Variants in COL4A1 observed in about 807,000 individuals in gnomAD.
The protein encoded by COL4A1 is collagen alpha-1(IV) chain.
COL4A1 carries 40 observed loss-of-function variants against 216.6 expected under a neutral mutation model. The ratio of observed to expected loss-of-function variants is 0.18; its 90% CI spans 0.14 to 0.24. The LOEUF (loss-of-function observed/expected upper bound fraction) is 0.24, where lower values mean the gene tolerates loss of function less well. Among genes scored for constraint, COL4A1 ranks in the 10% least tolerant of loss-of-function variants. The pLI is 1.00. For missense variants in COL4A1, 1,628 were observed against 2,196.8 expected (o/e 0.74, Z 5.18); for synonymous variants, 839 against 810.7 (o/e 1.03, Z -0.59).
At chr13:110,242,005 C>T (rs112500807) in intron 2 of COL4A1, among the ~76,000 whole-genome samples, 4 of 152,302 alleles carry the variant, frequency 2.6e-5, no homozygotes, top group African/African-American at 4.8e-5. Context: ...CTGGTTTCCA[C>T]GGTGACCCAC....
intron 2 of COL4A1, among the ~76,000 whole-genome samples, chr13:110,232,138 A>G (rs1432187533): frequency 6.6e-6 from 1 of 152,200 alleles, no homozygotes; most frequent in African/African-American, 2.4e-5. Flanking sequence ...GAATCATTGA[A>G]TTTGGGGCCA....
At position 110,155,280 on chromosome 13, in the gene COL4A1, T is replaced by C. The variant is rs570472326; in HGVS notation, c.4755+3A>G. The C allele has an allele frequency of 1.6e-5, 25 of 1,608,892 alleles. No individual in the cohort carries two copies. In the African/African-American group the frequency reaches 3.1e-4, roughly 20 times the overall value. ...GAAATATGGCGTCTCCCCAGACACT[T>C]ACCATCACAAAAGAGTAGCCGATCC... On this transcript the variant is annotated splice_donor_region_variant and intron_variant, in intron 50 of 51. Coordinates refer to ENST00000375820, the MANE Select transcript of COL4A1 (RefSeq NM_001845.6).
intron 49 of COL4A1, among the ~76,000 whole-genome samples, chr13:110,160,554 C>G (rs1047145480): frequency 2.6e-5 from 4 of 152,116 alleles, no homozygotes; most frequent in African/African-American, 9.7e-5. Context: ...GATTGAGCAA[C>G]ACTGTTCCAA....
Position 110,170,459 on chromosome 13 carries a change from T to A in COL4A1, c.3742+88A>T, listed in dbSNP as rs530266353. On this transcript the variant is annotated intron_variant, in intron 42 of 51. Coordinates refer to ENST00000375820, the MANE Select transcript of COL4A1 (RefSeq NM_001845.6). ...CAGACTTCTAAATAAAAAAGCCCAA[T>A]TGAGAATTTAACTATTTCTTTTACG... 5.8e-5 allele frequency: 81 copies of A among 1,399,580 alleles called. No individual in the cohort carries two copies. The African/African-American group carries it at 8.5e-4, about 15-fold the overall frequency. 86.7% of individuals were successfully genotyped at this position (1,399,580 alleles called of 1,614,324 possible). A position where few individuals can be genotyped will look rare whatever the true frequency, so the allele number is the denominator to read the frequency against.
intron 1 of COL4A1, among the ~76,000 whole-genome samples, chr13:110,280,635 C>T (rs924416508): frequency 6.6e-6 from 1 of 152,238 alleles, no homozygotes; most frequent in Non-Finnish European, 1.5e-5. Flanking sequence ...AATCCCACGC[C>T]TACATCTGCA....
chr13:110,198,287 C>T (rs1476029827), intron 21 of COL4A1, among the ~76,000 whole-genome samples, 180 bp downstream of exon 21: 1 of 152,096 alleles, frequency 6.6e-6, no homozygotes, highest in East Asian at 1.9e-4. Flanking sequence ...TTAACTATTG[C>T]TTTTTGTAGC....
At chr13:110,195,939 T>C (rs1878866857) in intron 21 of COL4A1, among the ~76,000 whole-genome samples, 1 of 152,180 alleles carries the variant, frequency 6.6e-6, no homozygotes, top group Non-Finnish European at 1.5e-5. Flanking sequence ...AGCTGTCACC[T>C]GGACGCCCTG....
intron 8 of COL4A1, among the ~76,000 whole-genome samples, chr13:110,210,777 A>T (rs981561010): frequency 1.7e-4 from 26 of 152,096 alleles, no homozygotes; most frequent in Non-Finnish European, 2.9e-4. Context: ...GGTGGGCCTC[A>T]TCCCATCAGT....
At chr13:110,232,869 T>C (rs752416634) in intron 2 of COL4A1, among the ~76,000 whole-genome samples, 8 of 152,268 alleles carry the variant, frequency 5.3e-5, no homozygotes, top group South Asian at 4.1e-4. Context: ...AGCCATCAAT[T>C]TGTATGATGG....
At chr13:110,270,766 T>C (rs1338292721) in intron 1 of COL4A1, among the ~76,000 whole-genome samples, 1 of 152,228 alleles carries the variant, frequency 6.6e-6, no homozygotes, top group Non-Finnish European at 1.5e-5. Context: ...ATTTACTGCG[T>C]CACCGGAGAA....
intron 1 of COL4A1, among the ~76,000 whole-genome samples, chr13:110,293,109 C>A (rs1884149872): frequency 6.6e-6 from 1 of 152,240 alleles, no homozygotes; most frequent in South Asian, 2.1e-4. Flanking sequence ...TTCAAGGTCA[C>A]CGTGCAGGAA....
rs538982365 is a variant in COL4A1, at chr13:110,240,067, A to C, written c.144+2608T>G. ...TTTTTGTTAAAATGATATAATACTAAACCATTTAGCTATTGTCCTAGGCCT... is the reference window on the plus strand; with the variant it reads ...TTTTTGTTAAAATGATATAATACTACACCATTTAGCTATTGTCCTAGGCCT... On this transcript the variant is annotated intron_variant, in intron 2 of 51. Transcript: ENST00000375820. Among the ~76,000 whole-genome samples, 8 of 152,262 alleles carry C rather than the reference A, an allele frequency of 5.3e-5. No homozygotes were observed. The South Asian group carries it at 1.7e-3, about 32-fold the overall frequency.
At chr13:110,252,055 G>C (rs1332444045) in intron 1 of COL4A1, among the ~76,000 whole-genome samples, 1 of 151,842 alleles carries the variant, frequency 6.6e-6, no homozygotes, top group Admixed American at 6.6e-5. Flanking sequence ...GTAGAGTCTC[G>C]CTCTGTTGCC....
intron 45 of COL4A1, among the ~76,000 whole-genome samples, chr13:110,165,482 G>A (rs1478514395): frequency 6.6e-6 from 1 of 152,042 alleles, no homozygotes; most frequent in Non-Finnish European, 1.5e-5. Flanking sequence ...CATGTGGTAA[G>A]AACCACACAA....
intron 1 of COL4A1, among the ~76,000 whole-genome samples, chr13:110,292,108 C>T (rs751412966): frequency 2.0e-5 from 3 of 152,194 alleles, no homozygotes; most frequent in Non-Finnish European, 4.4e-5. Context: ...TCCTGCCTGC[C>T]GCTGAGAGCC....
intron 2 of COL4A1, among the ~76,000 whole-genome samples, chr13:110,219,868 GTGTATATATGTA>G (rs1347231534): frequency 9.9e-6 from 1 of 101,220 alleles, no homozygotes; most frequent in Non-Finnish European, 2.0e-5. Context: ...ATATATGTGT[GTGTATATATGTA>G]TATATATGTG....
At chr13:110,210,389 T>C (rs1479083620) in intron 8 of COL4A1, among the ~76,000 whole-genome samples, 177 bp from the exon 9 acceptor site, 1 of 152,008 alleles carries the variant, frequency 6.6e-6, no homozygotes, top group Admixed American at 6.6e-5. Context: ...ATGATTGCCG[T>C]CTTAATGGCC....
rs937318874 is a variant in COL4A1 at position 110,265,069 on chromosome 13, C to T, written c.85-22335G>A. ...TGGGCGCCGTCCCACCATCATCGATCGGCCTTGACTGCTAGAGACCTTCTC... is the reference window on the plus strand; with the variant it reads ...TGGGCGCCGTCCCACCATCATCGATTGGCCTTGACTGCTAGAGACCTTCTC... On this transcript the variant is annotated intron_variant, in intron 1 of 51. Coordinates refer to ENST00000375820, the MANE Select transcript of COL4A1 (RefSeq NM_001845.6). Among the ~76,000 whole-genome samples the T allele has an allele frequency of 9.8e-5, 15 of 152,360 alleles. No homozygotes were observed. In the South Asian group the frequency reaches 2.1e-3, roughly 21 times the overall value.
chr13:110,183,354 G>T, intron 26 of COL4A1, 78 bp from the exon 27 acceptor site: 1 of 1,370,600 alleles, frequency 7.3e-7, no homozygotes, highest in Non-Finnish European at 1.0e-6. Context: ...CGCAGTGGGT[G>T]GGCTGCACGC....
Sources: gnomAD v4.1 joint callset for allele counts (sites outside exome capture counted in the v4.1 genomes callset) on GRCh38, gnomAD v4.1.1 for gene constraint, MANE v1.5 for transcripts, NCBI Gene and HGNC (gene_info 2026-07-23, HGNC 2026-07-21) for gene names.